The following NGLY1 variants were observed in gnomAD, a reference collection of about 807,000 sequenced individuals.
NGLY1 encodes N-glycanase 1, also known as peptide-N(4)-(N-acetyl-beta-glucosaminyl)asparagine amidase.
A neutral mutation model predicts 84.6 loss-of-function variants in NGLY1; 68 were observed. The observed-to-expected ratio is 0.80, with a 90% CI of 0.66 to 0.98. The LOEUF (loss-of-function observed/expected upper bound fraction) is 0.98. Ranked by LOEUF, NGLY1 falls within the 50% of genes least tolerant of loss-of-function variation. The pLI, the probability that NGLY1 is intolerant of heterozygous loss-of-function variation, is 0.00. For missense variants in NGLY1, 779 were observed against 770.2 expected, an observed-to-expected ratio of 1.01 and a Z score of -0.14; for synonymous variants, 280 against 275.2, an observed-to-expected ratio of 1.02 and a Z score of -0.17.
chr3:25,767,155 A>G (rs1211232442), intron 2 of NGLY1, among the ~76,000 whole-genome samples: 3 of 151,976 alleles, frequency 2.0e-5, no homozygotes, highest in Non-Finnish European at 2.9e-5. Context: ...GGCTGGGCGC[A>G]GTGGCAGGCA....
At chr3:25,760,317 A>C (rs78753947) in intron 3 of NGLY1, among the ~76,000 whole-genome samples, 5 of 152,164 alleles carry the variant, frequency 3.3e-5, no homozygotes, top group Non-Finnish European at 5.9e-5. Flanking sequence ...TCAAAATATT[A>C]CACATATACA....
intron 3 of NGLY1, chr3:25,755,123 G>T: frequency 7.4e-7 from 1 of 1,353,264 alleles, no homozygotes; most frequent in Non-Finnish European, 1.1e-6. Context: ...ACCTAATGTT[G>T]ATGCAGATGA....
chr3:25,765,961 C>T (rs1707547305), intron 2 of NGLY1, among the ~76,000 whole-genome samples: 2 of 151,924 alleles, frequency 1.3e-5, no homozygotes, highest in Non-Finnish European at 2.9e-5. Context: ...AAACTCCTAA[C>T]CTCAAATGAT....
Position 25,778,615 on chromosome 3 carries a change from T to G in NGLY1, c.205A>C (p.Arg69=). The stretch of plus-strand genomic sequence containing the variant: ...TCAAATAAACATTCAACAGCTCCTC[T>G]GACAGGCAAGAGTCTAGTAGAAAAG... ...TAFSTRLLPV[R]GAVECLFEMG... The change falls in exon 2 of 12, where the codon AGA becomes CGA. Residue 69 remains arginine, a synonymous_variant. Coordinates refer to ENST00000280700, the MANE Select transcript of NGLY1 (RefSeq NM_018297.4). 1.2e-6 allele frequency: 2 copies of G among 1,612,266 alleles called. No individual in the cohort carries two copies. Among genetic ancestry groups the G allele is most frequent in the Non-Finnish European group, 1.7e-6 (2 of 1,178,944 alleles).
rs894539311 is a variant in NGLY1, at chr3:25,737,158, C to T, written c.1003+176G>A. 7.5e-6 allele frequency: 4 copies of T among 533,124 alleles called. No individual in the cohort carries two copies. In the African/African-American group the frequency reaches 7.6e-5, roughly 10 times the overall value. 33.0% of individuals were successfully genotyped at this position (533,124 alleles called of 1,614,324 possible). On this transcript the variant is annotated intron_variant, in intron 6 of 11. Coordinates refer to ENST00000280700, the MANE Select transcript of NGLY1 (RefSeq NM_018297.4). ...ACAGTGCTAGGTGTTTTACAAAACT[C>T]TTGTGATCCCTTCAAAAAACCTGGA...
intron 3 of NGLY1, among the ~76,000 whole-genome samples, chr3:25,763,142 C>G (rs1707396087): frequency 1.3e-5 from 2 of 151,892 alleles, no homozygotes; most frequent in South Asian, 2.1e-4. Context: ...AAAAACAAAA[C>G]AAAAGAAAAG....
At chr3:25,752,462 C>T (rs879916552) in intron 3 of NGLY1, among the ~76,000 whole-genome samples, 2 of 151,846 alleles carry the variant, frequency 1.3e-5, no homozygotes, top group African/African-American at 2.4e-5. Context: ...CCTTGTGATC[C>T]GCCCGCCTCA....
chr3:25,769,058 A>T (rs996024143), intron 2 of NGLY1, among the ~76,000 whole-genome samples: 1 of 152,092 alleles, frequency 6.6e-6, no homozygotes, highest in African/African-American at 2.4e-5. Flanking sequence ...AACAAATCTC[A>T]TTTAAAAATG....
chr3:25,772,957 C>T (rs1229191733), intron 2 of NGLY1, among the ~76,000 whole-genome samples: 1 of 152,144 alleles, frequency 6.6e-6, no homozygotes, highest in Non-Finnish European at 1.5e-5. Flanking sequence ...AGATAGGACC[C>T]CAATCCCTTC....
At chr3:25,754,082 T>C (rs1030151549) in intron 3 of NGLY1, among the ~76,000 whole-genome samples, 2 of 152,128 alleles carry the variant, frequency 1.3e-5, no homozygotes, top group Admixed American at 1.3e-4. Context: ...GAGACCAAAA[T>C]AGATATGGAC....
intron 3 of NGLY1, among the ~76,000 whole-genome samples, chr3:25,754,696 A>C (rs1309655496): frequency 1.3e-5 from 2 of 151,642 alleles, no homozygotes; most frequent in African/African-American, 4.8e-5. Flanking sequence ...TATGAAAAGA[A>C]CTTAGGAAAT....
chr3:25,773,680 TA>T (rs1450953144), intron 2 of NGLY1, among the ~76,000 whole-genome samples: 2 of 152,202 alleles, frequency 1.3e-5, no homozygotes, highest in African/African-American at 4.8e-5. Context: ...TTGGGGATGT[TA>T]AAGAACCCTG....
At chr3:25,721,560 TAACACAGTGA>T (rs1322940976) in intron 10 of NGLY1, among the ~76,000 whole-genome samples, 2 of 150,846 alleles carry the variant, frequency 1.3e-5, no homozygotes, top group Non-Finnish European at 3.0e-5. Context: ...GAAACCATCC[TAACACAGTGA>T]AACCCTGCCT....
At position 25,765,060 on chromosome 3, in the gene NGLY1, C is replaced by A. The variant is rs144906969; in HGVS notation, c.247-749G>T. Among the ~76,000 whole-genome samples the A allele has an allele frequency of 5.7e-3, 869 of 152,056 alleles. 7 individuals are homozygous for A. Among genetic ancestry groups the A allele is most frequent in the Non-Finnish European group, 0.01 (710 of 67,972 alleles). On this transcript the variant is annotated intron_variant, in intron 2 of 11. Coordinates refer to ENST00000280700, the MANE Select transcript of NGLY1 (RefSeq NM_018297.4). ...CTATAATGTAAAACAGTAAATTACTCAAAACAAGAAAAAAGGTGAAATGAA... is the reference window on the plus strand; with the variant it reads ...CTATAATGTAAAACAGTAAATTACTAAAAACAAGAAAAAAGGTGAAATGAA...
intron 4 of NGLY1, among the ~76,000 whole-genome samples, chr3:25,749,139 T>C (rs1190680959): frequency 1.3e-5 from 2 of 152,194 alleles, no homozygotes; most frequent in Non-Finnish European, 2.9e-5. Flanking sequence ...TTGTGCACTG[T>C]TAGCAGGAAT....
At chr3:25,784,400 G>C (rs1051530257), upstream of NGLY1, among the ~76,000 whole-genome samples, 1 of 152,154 alleles carries the variant, frequency 6.6e-6, no homozygotes, top group East Asian at 1.9e-4. Flanking sequence ...CACACAGTAA[G>C]GGTAAGTAAT....
chr3:25,760,367 C>CT (rs1420691542), intron 3 of NGLY1, among the ~76,000 whole-genome samples: 1 of 152,002 alleles, frequency 6.6e-6, no homozygotes, highest in African/African-American at 2.4e-5. Context: ...CTCAGTTTAC[C>CT]TTTTTTCCAT....
intron 3 of NGLY1, chr3:25,754,788 C>CT (rs5847371): frequency 0.58 from 159,627 of 274,500 alleles, 45,178 homozygotes; most frequent in Admixed American, 0.69. Context: ...ATGACTCGTG[C>CT]TTTTTTTTTT....
At position 25,777,318 on chromosome 3, in the gene NGLY1, C is replaced by T. The variant is rs1454089870; in HGVS notation, c.246+1256G>A. On this transcript the variant is annotated intron_variant, in intron 2 of 11. Transcript: ENST00000280700. ...GCTGAGGCAGGAGAATCGCTTGAAT[C>T]CAGGAGGCGAAGGTTGTGGTAAGCT... is the stretch of plus-strand genomic sequence containing the variant. 2.7e-5 allele frequency among the ~76,000 whole-genome samples: 4 copies of T among 145,978 alleles called. No homozygotes were observed. The East Asian group carries it at 8.3e-4, about 30-fold the overall frequency.
Sources: allele counts gnomAD v4.1 joint callset (sites outside exome capture counted in the v4.1 genomes callset), GRCh38; gene constraint gnomAD v4.1.1; transcripts MANE v1.5; gene names NCBI Gene and HGNC (gene_info 2026-07-23, HGNC 2026-07-21).